Variants in LIPF observed in about 807,000 individuals in gnomAD.
LIPF encodes the protein lipase F, gastric type.
LIPF carries 25 observed loss-of-function variants against 38.0 expected under a neutral mutation model. That is an observed-to-expected ratio of 0.66 (90% confidence interval 0.48 to 0.92). LIPF has a LOEUF of 0.92. Ranked by LOEUF, LIPF falls within the 40% of genes least tolerant of loss-of-function variation. The pLI is 0.00. For synonymous variants in LIPF, 161 were observed against 156.2 expected, an observed-to-expected ratio of 1.03 and a Z score of -0.23; for missense variants, 410 against 469.9, an observed-to-expected ratio of 0.87 and a Z score of 1.18.
chr10:88,672,658 ACACACACACACACTCT>A (rs1174670601), intron 6 of LIPF, among the ~76,000 whole-genome samples: 41 of 138,740 alleles, frequency 3.0e-4, no homozygotes, highest in Middle Eastern at 3.7e-3. Context: ...ACACACACAC[ACACACACACACACTCT>A]CTCTCTCTCT....
chr10:88,673,846 A>G (rs1313627111), intron 7 of LIPF, 112 bp downstream of exon 7: 4 of 783,990 alleles, frequency 5.1e-6, no homozygotes, highest in Non-Finnish European at 8.3e-6. Context: ...GAACTGCGAT[A>G]TCCTGATAAA....
intron 4 of LIPF, 175 bp downstream of exon 4, chr10:88,668,931 T>C: frequency 3.4e-6 from 2 of 596,794 alleles, no homozygotes; most frequent in Non-Finnish European, 5.8e-6. Flanking sequence ...GGGTAGCTTT[T>C]CCTTCAAACT....
chr10:88,669,989 A>G (rs769445889), intron 5 of LIPF, 43 bp downstream of exon 5: 19 of 1,275,658 alleles, frequency 1.5e-5, no homozygotes, highest in Non-Finnish European at 1.9e-5. Context: ...CTTCTCATAA[A>G]CACTTTCCCA....
chr10:88,668,451 C>A, intron 3 of LIPF, 107 bp from the exon 4 acceptor site: 1 of 913,048 alleles, frequency 1.1e-6, no homozygotes, highest in Non-Finnish European at 1.6e-6. Context: ...TCAACTCAAT[C>A]AGGCAAATGT....
intron 5 of LIPF, among the ~76,000 whole-genome samples, chr10:88,670,654 T>G (rs1841581979): frequency 6.6e-6 from 1 of 152,164 alleles, no homozygotes; most frequent in South Asian, 2.1e-4. Flanking sequence ...CTTGTGTGGA[T>G]GAATCAAATT....
chr10:88,665,737 A>ATTTTTTTTTTT lies in LIPF; in HGVS notation c.-12+1260_-12+1270dup, dbSNP rs68081693. ...AAAAACAAGGCTTAGTTAAAAACTG[A>ATTTTTTTTTTT]TTTTTTTTTTTTTTTTTTTTTTTTG... On this transcript the variant is annotated intron_variant, in intron 1 of 9. Transcript: ENST00000238983. 2.0e-4 allele frequency among the ~76,000 whole-genome samples: 20 copies of ATTTTTTTTTTT among 100,240 alleles called. 2 individuals are homozygous for ATTTTTTTTTTT. The highest frequency in any genetic ancestry group is 6.9e-3 in the Middle Eastern group (1 of 144). The allele number at this position is 100,240 out of a possible 152,430, so 65.8% of individuals were successfully genotyped here. A position where few individuals can be genotyped will look rare whatever the true frequency, so the allele number is the denominator to read the frequency against.
chr10:88,670,506 G>T (rs1052228235), intron 5 of LIPF, among the ~76,000 whole-genome samples: 1 of 152,206 alleles, frequency 6.6e-6, no homozygotes, highest in African/African-American at 2.4e-5. Flanking sequence ...TTTGGGTAAA[G>T]TCATGATGAA....
At position 88,678,186 on chromosome 10, in the gene LIPF, C is replaced by A. The variant is rs115095852; in HGVS notation, c.961-259C>A. Among the ~76,000 whole-genome samples, 1,207 of 152,286 alleles carry A rather than the reference C, an allele frequency of 7.9e-3. 15 individuals carry two copies. Among genetic ancestry groups the A allele is most frequent in the African/African-American group, 0.027 (1,137 of 41,560 alleles). On this transcript the variant is annotated intron_variant, in intron 9 of 9. Coordinates refer to ENST00000238983, the MANE Select transcript of LIPF (RefSeq NM_004190.4). ...TATGAATGCAGAATCTCAGGCTGTTCCCCAGATCTACTGAAACAGAATTTT... is the reference window on the plus strand; with the variant it reads ...TATGAATGCAGAATCTCAGGCTGTTACCCAGATCTACTGAAACAGAATTTT...
intron 1 of LIPF, among the ~76,000 whole-genome samples, chr10:88,666,234 C>A (rs1841510877): frequency 6.6e-6 from 1 of 152,164 alleles, no homozygotes; most frequent in African/African-American, 2.4e-5. Flanking sequence ...GGGAAGTCAC[C>A]ACTTTTCAAA....
At chr10:88,673,495 C>T in intron 6 of LIPF, 93 bp from the exon 7 acceptor site, 2 of 905,504 alleles carry the variant, frequency 2.2e-6, no homozygotes, top group South Asian at 1.7e-5. Flanking sequence ...TATCATCATC[C>T]TCATCACACA....
chr10:88,675,651 G>C lies in LIPF; in HGVS notation c.882G>C (p.Trp294Cys). 1 of 1,608,122 alleles carries C rather than the reference G, an allele frequency of 6.2e-7. No homozygotes were observed. The highest frequency in any genetic ancestry group is 8.5e-7 in the Non-Finnish European group (1 of 1,174,788). Residue 294 changes from tryptophan to cysteine, a missense_variant, in exon 8 of 10, where the codon TGG becomes TGC. Trp to Cys is a radical substitution (Grantham distance 215). Transcript: ENST00000238983. ...CTTCTGTTCAAAACATGTTCCATTG[G>C]ACCCAGGTATTCTTTTCCAAATGCT... Reference protein sequence around the residue: ...AGTSVQNMFHWTQAVKSGKFQ... With the variant: ...AGTSVQNMFHCTQAVKSGKFQ...
intron 6 of LIPF, 75 bp downstream of exon 6, chr10:88,672,040 CAG>C: frequency 7.5e-7 from 1 of 1,333,802 alleles, no homozygotes; most frequent in East Asian, 2.4e-5. Flanking sequence ...AGAAAGAGAA[CAG>C]AGTTATAAAA....
chr10:88,672,782 C>A (rs1463107633), intron 6 of LIPF, among the ~76,000 whole-genome samples: 2 of 151,702 alleles, frequency 1.3e-5, no homozygotes, highest in Non-Finnish European at 2.9e-5. Context: ...TCTTTTCATT[C>A]TGTATTAATA....
rs369613850 is a variant in LIPF at position 88,678,704 on chromosome 10, G to A, written c.*23G>A. The A allele has an allele frequency of 4.3e-5, 65 of 1,513,936 alleles. No homozygotes were observed. Among genetic ancestry groups the A allele is most frequent in the Middle Eastern group, 1.7e-4 (1 of 5,872 alleles). The allele number at this position is 1,513,936 out of a possible 1,614,324, so 93.8% of individuals were successfully genotyped here. A position where few individuals can be genotyped will look rare whatever the true frequency, so the allele number is the denominator to read the frequency against. On this transcript the variant is annotated 3_prime_UTR_variant, in exon 10 of 10. Coordinates refer to ENST00000238983, the MANE Select transcript of LIPF (RefSeq NM_004190.4). ...TAGTTCTGGATTTAAAGAATTATCC[G>A]TTTGTTTTTCCAAAATACTTTATTC...
intron 7 of LIPF, among the ~76,000 whole-genome samples, chr10:88,674,628 A>T (rs1279427879): frequency 1.3e-5 from 2 of 152,204 alleles, no homozygotes; most frequent in Admixed American, 1.3e-4. Flanking sequence ...CTCTGTCTTG[A>T]TTTCCTCATC....
chr10:88,667,444 C>T (rs1234169599), intron 2 of LIPF, 42 bp downstream of exon 2: 2 of 1,224,122 alleles, frequency 1.6e-6, no homozygotes, highest in South Asian at 1.3e-5. Context: ...CTAAAAGATG[C>T]TATTATTTAA....
chr10:88,668,675 G>T lies in LIPF; in HGVS notation c.341G>T (p.Trp114Leu). Reference protein sequence around the residue: ...FILADAGYDVWLGNSRGNTWA... With the variant: ...FILADAGYDVLLGNSRGNTWA... Reference sequence around the variant, plus strand: ...CTGGCAGATGCTGGTTATGATGTGTGGCTGGGCAACAGCAGAGGAAACACC... The same window carrying T: ...CTGGCAGATGCTGGTTATGATGTGTTGCTGGGCAACAGCAGAGGAAACACC... The change falls in exon 4 of 10, where the codon TGG (tryptophan) becomes TTG (leucine). Residue 114 changes from tryptophan to leucine, a missense_variant. Trp to Leu is a moderately conservative substitution (Grantham distance 61, BLOSUM62 -2). Coordinates refer to ENST00000238983, the MANE Select transcript of LIPF (RefSeq NM_004190.4). 6.2e-7 allele frequency: 1 copy of T among 1,614,114 alleles called. No individual in the cohort carries two copies. The highest frequency in any genetic ancestry group is 2.2e-5 in the East Asian group (1 of 44,882).
At chr10:88,678,344 T>A (rs753765687) in intron 9 of LIPF, 101 bp from the exon 10 acceptor site, 4 of 869,866 alleles carry the variant, frequency 4.6e-6, no homozygotes, top group Non-Finnish European at 5.8e-6. Context: ...AGAATTCACT[T>A]ATAAAACCGC....
intron 1 of LIPF, among the ~76,000 whole-genome samples, chr10:88,665,894 A>G (rs1317842480): frequency 3.3e-5 from 5 of 151,758 alleles, no homozygotes; most frequent in African/African-American, 1.2e-4. Context: ...AGGCGCGCAC[A>G]CCCGGCTAAT....
Sources: gnomAD v4.1 joint callset for allele counts (sites outside exome capture counted in the v4.1 genomes callset) on GRCh38, gnomAD v4.1.1 for gene constraint, MANE v1.5 for transcripts, NCBI Gene and HGNC (gene_info 2026-07-23, HGNC 2026-07-21) for gene names.